PDGFC: variants seen among roughly 807,000 people sequenced by gnomAD.
The protein encoded by PDGFC is platelet-derived growth factor C.
A neutral mutation model predicts 35.5 loss-of-function variants in PDGFC; 12 were observed. The ratio of observed to expected loss-of-function variants is 0.34; its 90% CI spans 0.22 to 0.55. The LOEUF is 0.55. PDGFC is among the 20% of genes least tolerant of loss of function. PDGFC has a pLI of 0.91. For missense variants in PDGFC, 322 were observed against 412.4 expected (o/e 0.78, Z 1.90); for synonymous variants, 159 against 148.8 (o/e 1.07, Z -0.50).
At chr4:156,824,740 A>C (rs1175693053) in intron 2 of PDGFC, among the ~76,000 whole-genome samples, 1 of 152,154 alleles carries the variant, frequency 6.6e-6, no homozygotes, top group Non-Finnish European at 1.5e-5. Context: ...CATCTAATAC[A>C]TCTAATGTTA....
chr4:156,789,901 C>T lies in PDGFC; in HGVS notation c.496-17008G>A, dbSNP rs181639502. Among the ~76,000 whole-genome samples, 17 of 138,852 alleles carry T rather than the reference C, an allele frequency of 1.2e-4. 1 individual carries two copies. Among genetic ancestry groups the T allele is most frequent in the Middle Eastern group, 4.2e-3 (1 of 236 alleles). The allele number at this position is 138,852 out of a possible 152,430, so 91.1% of individuals were successfully genotyped here. A position where few individuals can be genotyped will look rare whatever the true frequency, so the allele number is the denominator to read the frequency against. ...CTGAGGCAGGAGAATGGCGTGAACC[C>T]GGGAGGCGGAGCTTGCAGTGAGCCG... On this transcript the variant is annotated intron_variant, in intron 3 of 5. Coordinates refer to ENST00000502773, the MANE Select transcript of PDGFC (RefSeq NM_016205.3).
chr4:156,814,012 T>C (rs1361471325), intron 2 of PDGFC, among the ~76,000 whole-genome samples: 1 of 151,954 alleles, frequency 6.6e-6, no homozygotes, highest in Non-Finnish European at 1.5e-5. Context: ...ATTTGGTGAG[T>C]GAAGGAATGA....
chr4:156,940,640 T>A (rs1456679405), intron 1 of PDGFC, among the ~76,000 whole-genome samples: 1 of 152,126 alleles, frequency 6.6e-6, no homozygotes, highest in Non-Finnish European at 1.5e-5. Context: ...TGGGAATTTC[T>A]GGGTGTCTGT....
intron 1 of PDGFC, among the ~76,000 whole-genome samples, chr4:156,903,844 T>C (rs1315399317): frequency 6.6e-5 from 10 of 152,124 alleles, no homozygotes; most frequent in Admixed American, 6.5e-4. Context: ...AGACAAACCA[T>C]TACCTATAGT....
chr4:156,921,367 A>ATAC (rs1369468471), intron 1 of PDGFC, among the ~76,000 whole-genome samples: 3 of 152,174 alleles, frequency 2.0e-5, no homozygotes, highest in African/African-American at 7.2e-5. Flanking sequence ...AGCCTCAAAA[A>ATAC]TACTGAGAAT....
chr4:156,768,732 C>A (rs1730609898), intron 4 of PDGFC, among the ~76,000 whole-genome samples: 1 of 151,924 alleles, frequency 6.6e-6, no homozygotes, highest in Non-Finnish European at 1.5e-5. Flanking sequence ...AATTTATAAC[C>A]CCAGCCTCTA....
At chr4:156,796,937 G>C (rs1207196485) in intron 3 of PDGFC, among the ~76,000 whole-genome samples, 1 of 152,072 alleles carries the variant, frequency 6.6e-6, no homozygotes, top group Non-Finnish European at 1.5e-5. Context: ...AGACAAAGAA[G>C]AAAGTATTAA....
chr4:156,790,309 A>T (rs1262665995), intron 3 of PDGFC, among the ~76,000 whole-genome samples: 1 of 152,232 alleles, frequency 6.6e-6, no homozygotes, highest in African/African-American at 2.4e-5. Context: ...CAAAGGAAAG[A>T]TAAGGACCTG....
intron 1 of PDGFC, among the ~76,000 whole-genome samples, chr4:156,908,134 C>G (rs1047022724): frequency 5.3e-5 from 8 of 152,096 alleles, no homozygotes. Flanking sequence ...CCACTGCACT[C>G]CAGCCTGGGC....
chr4:156,922,125 T>C (rs1188445902), intron 1 of PDGFC, among the ~76,000 whole-genome samples: 3 of 151,152 alleles, frequency 2.0e-5, no homozygotes, highest in Non-Finnish European at 4.4e-5. Flanking sequence ...CAGGGACCTG[T>C]AGTGTTGTGC....
At chr4:156,873,211 T>G (rs1730028703) in intron 1 of PDGFC, among the ~76,000 whole-genome samples, 1 of 152,218 alleles carries the variant, frequency 6.6e-6, no homozygotes, top group Admixed American at 6.5e-5. Flanking sequence ...TATTATTTAT[T>G]ACAAACCCCA....
At chr4:156,787,178 T>C (rs978114708) in intron 3 of PDGFC, among the ~76,000 whole-genome samples, 6 of 152,098 alleles carry the variant, frequency 3.9e-5, no homozygotes, top group East Asian at 3.9e-4. Flanking sequence ...TCTAGAAACA[T>C]TGTCATAATT....
intron 1 of PDGFC, among the ~76,000 whole-genome samples, chr4:156,856,589 T>A (rs1729589768): frequency 6.6e-6 from 1 of 152,134 alleles, no homozygotes; most frequent in Admixed American, 6.6e-5. Flanking sequence ...CACACTACAA[T>A]TCCTAGAAGG....
intron 1 of PDGFC, among the ~76,000 whole-genome samples, chr4:156,857,138 A>G (rs1729602310): frequency 6.6e-6 from 1 of 151,858 alleles, no homozygotes; most frequent in Admixed American, 6.6e-5. Context: ...AAATGAAATG[A>G]TATTTGTATA....
At position 156,762,182 on chromosome 4, in the gene PDGFC, C is replaced by A. The variant is rs1730394885; in HGVS notation, c.*908G>T. On this transcript the variant is annotated 3_prime_UTR_variant, in exon 6 of 6. Transcript: ENST00000502773. ...GAGAATGAAATACATGTATTTTTGT[C>A]AGAGCAACAATATTTTATATCATCT... 1.3e-5 allele frequency: 2 copies of A among 152,664 alleles called. No homozygotes were observed. Among genetic ancestry groups the A allele is most frequent in the African/African-American group, 4.8e-5 (2 of 41,544 alleles). 9.5% of individuals were successfully genotyped at this position (152,664 alleles called of 1,614,324 possible).
At chr4:156,822,296 T>C (rs1228552023) in intron 2 of PDGFC, among the ~76,000 whole-genome samples, 2 of 148,328 alleles carry the variant, frequency 1.3e-5, no homozygotes, top group Non-Finnish European at 3.0e-5. Context: ...GAGGCGGAGC[T>C]TGCAGTGAGC....
At chr4:156,934,429 C>T (rs940165886) in intron 1 of PDGFC, among the ~76,000 whole-genome samples, 4 of 152,072 alleles carry the variant, frequency 2.6e-5, no homozygotes, top group Admixed American at 2.0e-4. Context: ...TTTACAGGAC[C>T]GGTAGTTGCT....
chr4:156,797,693 A>C (rs151324162), intron 3 of PDGFC, among the ~76,000 whole-genome samples: 221 of 152,296 alleles, frequency 1.5e-3, no homozygotes, highest in Non-Finnish European at 2.6e-3. Context: ...GTTAGACGGC[A>C]TTGAAAGCCG....
chr4:156,825,584 T>TAAGAAGAAGAAGAAGAAGAAG (rs1371864016), intron 2 of PDGFC, among the ~76,000 whole-genome samples: 6 of 90,208 alleles, frequency 6.7e-5, no homozygotes, highest in East Asian at 3.3e-4. Flanking sequence ...ATAATAATAA[T>TAAGAAGAAGAAGAAGAAGAAG]AATAATAATA....
Sources: allele counts gnomAD v4.1 joint callset (sites outside exome capture counted in the v4.1 genomes callset), GRCh38; gene constraint gnomAD v4.1.1; transcripts MANE v1.5; gene names NCBI Gene and HGNC (gene_info 2026-07-23, HGNC 2026-07-21).